Variants in SLC41A1 observed in about 807,000 individuals in gnomAD.
SLC41A1 encodes the protein solute carrier family 41 member 1.
SLC41A1 carries 20 observed loss-of-function variants against 47.3 expected under a neutral mutation model. The ratio of observed to expected loss-of-function variants is 0.42; its 90% CI spans 0.30 to 0.61. The LOEUF (loss-of-function observed/expected upper bound fraction) is 0.61, where lower values mean the gene tolerates loss of function less well. Among genes scored for constraint, SLC41A1 ranks in the 20% least tolerant of loss-of-function variants. SLC41A1 has a pLI of 0.17. For missense variants in SLC41A1, 504 were observed against 674.1 expected, an observed-to-expected ratio of 0.75 and a Z score of 2.79; for synonymous variants, 282 against 272.7, an observed-to-expected ratio of 1.03 and a Z score of -0.34.
At chr1:205,798,311 T>C (rs1357836727) in intron 6 of SLC41A1, among the ~76,000 whole-genome samples, 1 of 152,156 alleles carries the variant, frequency 6.6e-6, no homozygotes, top group Non-Finnish European at 1.5e-5. Flanking sequence ...GGACAGAGAC[T>C]CTAGGTCTCT....
chr1:205,813,072 G>C lies in SLC41A1; in HGVS notation c.-911C>G. 2 of 985,476 alleles carry C rather than the reference G, an allele frequency of 2.0e-6. No homozygotes were observed. The highest frequency in any genetic ancestry group is 2.4e-6 in the Non-Finnish European group (2 of 829,980). The allele number at this position is 985,476 out of a possible 1,614,324, so 61.0% of individuals were successfully genotyped here. ...GGGGAGGGCAGGATATATCGCTTCG[G>C]GCCCGGCGGGGGGGCACCCGGACGG... On this transcript the variant is annotated 5_prime_UTR_variant, in exon 1 of 11. Coordinates refer to ENST00000367137, the MANE Select transcript of SLC41A1 (RefSeq NM_173854.6).
Position 205,803,038 on chromosome 1 carries a change from G to A in SLC41A1, c.373-1978C>T, listed in dbSNP as rs751610312. On this transcript the variant is annotated intron_variant, in intron 2 of 10. Coordinates refer to ENST00000367137, the MANE Select transcript of SLC41A1 (RefSeq NM_173854.6). ...ACAAAAATTAGCCGGGAATGGTGGC[G>A]CACACCTGTAATCCCAGCTACTGGG... Among the ~76,000 whole-genome samples the A allele has an allele frequency of 5.3e-5, 8 of 152,086 alleles. No homozygotes were observed. In the East Asian group the frequency reaches 5.8e-4, roughly 11 times the overall value.
intron 3 of SLC41A1, among the ~76,000 whole-genome samples, chr1:205,800,284 G>C (rs1655849898): frequency 6.6e-6 from 1 of 152,206 alleles, no homozygotes; most frequent in South Asian, 2.1e-4. Context: ...GTCGGGTATG[G>C]CAAGTCAGGG....
At chr1:205,798,613 A>G in intron 6 of SLC41A1, 56 bp downstream of exon 6, 1 of 1,612,868 alleles carries the variant, frequency 6.2e-7, no homozygotes, top group South Asian at 1.1e-5. Flanking sequence ...GCAAACTACT[A>G]CCATCTCTCC....
intron 2 of SLC41A1, among the ~76,000 whole-genome samples, chr1:205,804,886 A>G (rs1407250510): frequency 6.6e-6 from 1 of 152,180 alleles, no homozygotes; most frequent in African/African-American, 2.4e-5. Flanking sequence ...AAGACTCCAC[A>G]TGTATGCAAG....
In SLC41A1 at chr1:205,801,072, A is replaced by G; in HGVS notation, c.373-12T>C. On this transcript the variant is annotated splice_polypyrimidine_tract_variant and intron_variant, in intron 2 of 10. Coordinates refer to ENST00000367137, the MANE Select transcript of SLC41A1 (RefSeq NM_173854.6). Reference sequence around the variant, plus strand: ...AAGACTTCCCAGTGCTACGAGGTGAAAACAGAACCCAGGAATTTCAGTGCC... The same window carrying G: ...AAGACTTCCCAGTGCTACGAGGTGAGAACAGAACCCAGGAATTTCAGTGCC... The G allele has an allele frequency of 4.3e-6, 7 of 1,611,142 alleles. No individual in the cohort carries two copies. The highest frequency in any genetic ancestry group is 4.2e-6 in the Non-Finnish European group (5 of 1,177,250).
At chr1:205,800,586 AG>A (rs61361207) in intron 3 of SLC41A1, among the ~76,000 whole-genome samples, 152,305 of 152,306 alleles carry the variant, frequency 1, 76,152 homozygotes, top group Middle Eastern at 1. Context: ...GCTGCAAAGC[AG>A]GGGCTGGAGA....
chr1:205,799,720 G>A, intron 4 of SLC41A1, 39 bp downstream of exon 4: 2 of 1,606,908 alleles, frequency 1.2e-6, no homozygotes, highest in Non-Finnish European at 1.7e-6. Flanking sequence ...CTGACTAAGG[G>A]GAAGCTTAGC....
In SLC41A1 at chr1:205,791,362, A is replaced by G; in HGVS notation, c.*171T>C. On this transcript the variant is annotated 3_prime_UTR_variant, in exon 11 of 11. Coordinates refer to ENST00000367137, the MANE Select transcript of SLC41A1 (RefSeq NM_173854.6). The surrounding 1 kb of genome is among the most constrained non-coding windows in gnomAD (Gnocchi z 4.0). The stretch of plus-strand genomic sequence containing the variant: ...CATCTGTGTTTCCCAAATTCTTGCT[A>G]TACAAACTTGGCTCAATGTATAAAA... 1 of 812,740 alleles carries G rather than the reference A, an allele frequency of 1.2e-6. No individual in the cohort carries two copies. Among genetic ancestry groups the G allele is most frequent in the Non-Finnish European group, 2.0e-6 (1 of 496,910 alleles). The allele number at this position is 812,740 out of a possible 1,614,324, so 50.3% of individuals were successfully genotyped here.
At chr1:205,793,802 T>C (rs890374942) in intron 10 of SLC41A1, among the ~76,000 whole-genome samples, 2 of 152,022 alleles carry the variant, frequency 1.3e-5, no homozygotes, top group South Asian at 2.1e-4. Flanking sequence ...ATAAGAAAAA[T>C]ATATGTTTAC....
intron 1 of SLC41A1, 129 bp downstream of exon 1, chr1:205,812,679 G>A (rs567396912): frequency 4.3e-6 from 4 of 925,260 alleles, no homozygotes; most frequent in African/African-American, 3.6e-5. Flanking sequence ...CCCCAACCCC[G>A]AGGAGGGAGA....
Position 205,809,935 on chromosome 1 carries a change from A to G in SLC41A1, c.372+135T>C, listed in dbSNP as rs538110798. The G allele has an allele frequency of 6.7e-6, 9 of 1,352,894 alleles. No individual in the cohort carries two copies. The East Asian group carries it at 1.7e-4, about 26-fold the overall frequency. The allele number at this position is 1,352,894 out of a possible 1,614,324, so 83.8% of individuals were successfully genotyped here. On this transcript the variant is annotated intron_variant, in intron 2 of 10. Coordinates refer to ENST00000367137, the MANE Select transcript of SLC41A1 (RefSeq NM_173854.6). ...ACTAGACCAAGAAGAAACCGAGGAC[A>G]TGATCCAAAGGAAAACAGTATTCTA...
At chr1:205,808,694 G>A (rs952080041) in intron 2 of SLC41A1, among the ~76,000 whole-genome samples, 1 of 152,192 alleles carries the variant, frequency 6.6e-6, no homozygotes, top group Admixed American at 6.5e-5. Flanking sequence ...GGAACCCAAA[G>A]CTCCAGGCTG....
intron 5 of SLC41A1, 40 bp downstream of exon 5, chr1:205,798,917 G>T: frequency 6.2e-7 from 1 of 1,614,146 alleles, no homozygotes; most frequent in Non-Finnish European, 8.5e-7. Context: ...GTGTTCTCTG[G>T]GGCGGCACTC....
At chr1:205,809,609 G>T (rs1199491594) in intron 2 of SLC41A1, among the ~76,000 whole-genome samples, 4 of 152,192 alleles carry the variant, frequency 2.6e-5, no homozygotes, top group Non-Finnish European at 5.9e-5. Context: ...CCTCTTGGCA[G>T]CTGAACAAAT....
intron 10 of SLC41A1, among the ~76,000 whole-genome samples, chr1:205,794,415 G>A (rs963915527): frequency 6.6e-6 from 1 of 152,164 alleles, no homozygotes; most frequent in African/African-American, 2.4e-5. Flanking sequence ...GAATGGCAAG[G>A]CTACACAGGA....
chr1:205,795,579 G>A, intron 8 of SLC41A1, 101 bp from the exon 9 acceptor site: 6 of 1,406,460 alleles, frequency 4.3e-6, no homozygotes, highest in South Asian at 1.2e-5. Context: ...TAGAGGCACT[G>A]TCCTCTGTCT....
Position 205,812,861 on chromosome 1 carries a change from T to C in SLC41A1, c.-700A>G. ...GCCTGGCAAGTGGCAGCGTGGCCCG[T>C]GGTCTCGGGGGGTGCAGGGCACCCC... is the stretch of plus-strand genomic sequence containing the variant. On this transcript the variant is annotated 5_prime_UTR_variant, in exon 1 of 11. Transcript: ENST00000367137. 5.1e-6 allele frequency: 5 copies of C among 984,456 alleles called. No individual in the cohort carries two copies. Among genetic ancestry groups the C allele is most frequent in the Non-Finnish European group, 6.0e-6 (5 of 829,658 alleles). 61.0% of individuals were successfully genotyped at this position (984,456 alleles called of 1,614,324 possible).
chr1:205,810,134 A>G lies in SLC41A1; in HGVS notation c.308T>C (p.Leu103Pro). 1 of 1,614,224 alleles carries G rather than the reference A, an allele frequency of 6.2e-7. No homozygotes were observed. Among genetic ancestry groups the G allele is most frequent in the Non-Finnish European group, 8.5e-7 (1 of 1,180,020 alleles). Residue 103 changes from leucine (L) to proline (P), a missense_variant, in exon 2 of 11, where the codon CTG (leucine) becomes CCG (proline). This residue lies in a region of SLC41A1 where 421 missense variants were observed against 601.6 expected (regional missense o/e 0.70). Transcript: ENST00000367137. The surrounding 1 kb of genome is among the most constrained non-coding windows in gnomAD (Gnocchi z 5.5). ...AAAGCCTGCCAGGAGGAATGGAAAC[A>G]GTACTTGCAGCCCGATGGAAAAGGA... is the stretch of plus-strand genomic sequence containing the variant. Reference protein sequence around the residue: ...ETSFSIGLQVLFPFLLAGFGT... With the variant: ...ETSFSIGLQVPFPFLLAGFGT...
Sources: allele counts gnomAD v4.1 joint callset (sites outside exome capture counted in the v4.1 genomes callset), GRCh38; gene constraint gnomAD v4.1.1; regional missense constraint gnomAD v4.1.1; non-coding constraint Gnocchi (gnomAD v3.1); transcripts MANE v1.5; gene names NCBI Gene and HGNC (gene_info 2026-07-23, HGNC 2026-07-21).